The following RABGEF1 variants were observed in gnomAD, a reference collection of about 807,000 sequenced individuals.
The protein encoded by RABGEF1 is RAB guanine nucleotide exchange factor 1.
In RABGEF1, 26 loss-of-function variants were observed where a neutral mutation model predicts 57.3. The observed-to-expected ratio is 0.45, with a 90% CI of 0.33 to 0.63. RABGEF1 has a LOEUF of 0.63. Ranked by LOEUF, RABGEF1 falls within the 20% of genes least tolerant of loss-of-function variation. RABGEF1 has a pLI of 0.02. For synonymous variants in RABGEF1, 185 were observed against 210.7 expected, an observed-to-expected ratio of 0.88 and a Z score of 1.06; for missense variants, 464 against 607.6, an observed-to-expected ratio of 0.76 and a Z score of 2.48.
intron 4 of RABGEF1, among the ~76,000 whole-genome samples, chr7:66,794,207 A>ATTTTT (rs1174835014): frequency 5.5e-5 from 5 of 91,100 alleles, no homozygotes; most frequent in African/African-American, 1.8e-4. Context: ...TCCATGTTTA[A>ATTTTT]TTTTTTTTTT....
At chr7:66,681,292 A>G (rs1789706233), upstream of RABGEF1, among the ~76,000 whole-genome samples, 1 of 152,062 alleles carries the variant, frequency 6.6e-6, no homozygotes, top group South Asian at 2.1e-4. Flanking sequence ...TATTCCTTAC[A>G]TGGGAATCAC....
At chr7:66,670,977 T>C in the RABGEF1 span, among the ~76,000 whole-genome samples, 1 of 151,700 alleles carries the variant, frequency 6.6e-6, no homozygotes, top group Non-Finnish European at 1.5e-5. Flanking sequence ...ATGTGTGTGA[T>C]ACTCTCATTA....
chr7:66,766,619 C>G (rs1043642796), intron 1 of RABGEF1, among the ~76,000 whole-genome samples: 2 of 152,128 alleles, frequency 1.3e-5, no homozygotes, highest in African/African-American at 4.8e-5. Context: ...TTAGATTTCC[C>G]TCTCTCTGTC....
In RABGEF1 at chr7:66,809,102, AAGAAACT is replaced by A; in HGVS notation, c.1295_1301del (p.Lys432ArgfsTer6). 1.9e-6 allele frequency: 3 copies of A among 1,614,204 alleles called. No individual in the cohort carries two copies. Among genetic ancestry groups the A allele is most frequent in the Non-Finnish European group, 2.5e-6 (3 of 1,180,022 alleles). On this transcript the variant is annotated frameshift_variant, in exon 9 of 9. Transcript: ENST00000284957. LOFTEE classifies it high-confidence loss of function. ...ACAAGAAAGGATCATGAATGAAGCC[AAGAAACT>A]GGAAAAAGACCTCATAGATTGGACA...
chr7:66,765,995 A>C (rs1389617692), intron 1 of RABGEF1, among the ~76,000 whole-genome samples: 3 of 152,216 alleles, frequency 2.0e-5, no homozygotes, highest in Admixed American at 1.3e-4. Context: ...AAAAATAGGT[A>C]TCTTCCTTTT....
intron 2 of RABGEF1, among the ~76,000 whole-genome samples, chr7:66,722,603 CAA>C (rs1796171651): frequency 1.3e-5 from 2 of 152,182 alleles, no homozygotes. Context: ...TTCAAGGTCA[CAA>C]AGATTTATGC....
the RABGEF1 span, among the ~76,000 whole-genome samples, chr7:66,664,102 A>G: frequency 6.6e-6 from 1 of 151,560 alleles, no homozygotes; most frequent in Non-Finnish European, 1.5e-5. Context: ...AAAAGCTAAC[A>G]TGAAATGCTG....
At chr7:66,662,509 A>T in the RABGEF1 span, among the ~76,000 whole-genome samples, 5 of 152,190 alleles carry the variant, frequency 3.3e-5, no homozygotes, top group African/African-American at 1.2e-4. Context: ...AGGGTGTCTG[A>T]GGAGCTGACA....
chr7:66,684,857 G>A (rs1562690617), intron 1 of RABGEF1, among the ~76,000 whole-genome samples: 1 of 152,160 alleles, frequency 6.6e-6, no homozygotes, highest in Non-Finnish European at 1.5e-5. Flanking sequence ...GGATGGTCTC[G>A]ATCTCCTGAC....
intron 1 of RABGEF1, among the ~76,000 whole-genome samples, chr7:66,751,162 C>T (rs1446090048): frequency 6.6e-6 from 1 of 152,012 alleles, no homozygotes; most frequent in African/African-American, 2.4e-5. Context: ...TCCTGAGTAG[C>T]TGGAATTACA....
intron 7 of RABGEF1, among the ~76,000 whole-genome samples, chr7:66,800,937 A>T (rs1300546150): frequency 6.6e-6 from 1 of 152,242 alleles, no homozygotes; most frequent in African/African-American, 2.4e-5. Flanking sequence ...GGGACTCGAT[A>T]GGAGAGGCTG....
chr7:66,659,275 A>G, the RABGEF1 span, among the ~76,000 whole-genome samples: 1 of 151,190 alleles, frequency 6.6e-6, no homozygotes, highest in African/African-American at 2.4e-5. Context: ...AGATGGTGAA[A>G]CTCTGTCTCT....
chr7:66,737,097 A>C (rs1203574749), upstream of RABGEF1, among the ~76,000 whole-genome samples: 1 of 147,540 alleles, frequency 6.8e-6, no homozygotes, highest in East Asian at 2.0e-4. Flanking sequence ...CGAGAGCGAG[A>C]GAGAGAGAGA....
upstream of RABGEF1, chr7:66,740,159 A>T (rs751958513): frequency 6.6e-6 from 1 of 152,262 alleles, no homozygotes; most frequent in African/African-American, 2.4e-5. Context: ...TTTTGTAGAG[A>T]TGGTGACCTT....
At chr7:66,711,054 G>A (rs1761784329) in intron 1 of RABGEF1, among the ~76,000 whole-genome samples, 1 of 152,216 alleles carries the variant, frequency 6.6e-6, no homozygotes, top group Non-Finnish European at 1.5e-5. Flanking sequence ...CAGCTACTCA[G>A]GAGGCTGAGG....
upstream of RABGEF1, chr7:66,739,911 C>G (rs1798552681): frequency 6.6e-6 from 1 of 152,222 alleles, no homozygotes; most frequent in Admixed American, 6.5e-5. Context: ...AAACAGGATT[C>G]AATTTGTGAC....
chr7:66,754,934 G>A (rs916672809), intron 1 of RABGEF1, among the ~76,000 whole-genome samples: 1 of 152,134 alleles, frequency 6.6e-6, no homozygotes, highest in Non-Finnish European at 1.5e-5. Flanking sequence ...AGCACTTTGG[G>A]TGGCAAACCA....
At chr7:66,797,063 G>A (rs1786119604) in intron 5 of RABGEF1, among the ~76,000 whole-genome samples, 1 of 151,904 alleles carries the variant, frequency 6.6e-6, no homozygotes, top group Admixed American at 6.6e-5. Flanking sequence ...ACTTTGGGAG[G>A]CTGAGGCAGG....
chr7:66,722,187 A>G (rs566245876), intron 2 of RABGEF1, among the ~76,000 whole-genome samples: 12 of 152,192 alleles, frequency 7.9e-5, no homozygotes, highest in African/African-American at 2.9e-4. Flanking sequence ...CACGCCTGTA[A>G]TCCCAGCACT....
Sources: allele counts gnomAD v4.1 joint callset (sites outside exome capture counted in the v4.1 genomes callset), GRCh38; gene constraint gnomAD v4.1.1; transcripts MANE v1.5; gene names NCBI Gene and HGNC (gene_info 2026-07-23, HGNC 2026-07-21).